Variants in ELAVL2 observed in about 807,000 individuals in gnomAD.
The protein encoded by ELAVL2 is ELAV-like protein 2.
Under a neutral mutation model 34.6 loss-of-function variants are expected in ELAVL2, and 4 were observed. The ratio of observed to expected loss-of-function variants is 0.12; its 90% CI spans 0.06 to 0.26. The LOEUF (loss-of-function observed/expected upper bound fraction) is 0.26. ELAVL2 is among the 10% of genes least tolerant of loss of function. The pLI is 1.00. For synonymous variants in ELAVL2, 193 were observed against 154.8 expected, an observed-to-expected ratio of 1.25 and a Z score of -1.83; for missense variants, 432 against 442.8, an observed-to-expected ratio of 0.98 and a Z score of 0.22.
rs557615245 is a variant in ELAVL2 at position 23,764,920 on chromosome 9, G to A, written c.-15-2671C>T. ...TGTAAGAATAATTAGTATGCCAAAT[G>A]AAAGATTCAAGTGTTTGGTATGGCC... On this transcript the variant is annotated intron_variant, in intron 1 of 6. Transcript: ENST00000397312. 4.9e-5 allele frequency: 62 copies of A among 1,272,896 alleles called. 1 individual carries two copies. The South Asian group carries it at 7.9e-4, about 16-fold the overall frequency. The allele number at this position is 1,272,896 out of a possible 1,614,324, so 78.9% of individuals were successfully genotyped here.
chr9:23,745,807 T>C (rs981348715), intron 2 of ELAVL2, among the ~76,000 whole-genome samples: 6 of 152,158 alleles, frequency 3.9e-5, no homozygotes, highest in African/African-American at 1.4e-4. Flanking sequence ...CCACAAGATA[T>C]ATGGCTCTCC....
upstream of ELAVL2, among the ~76,000 whole-genome samples, chr9:23,827,509 A>G (rs1218781767): frequency 6.6e-6 from 1 of 152,170 alleles, no homozygotes; most frequent in Non-Finnish European, 1.5e-5. Flanking sequence ...CCAACTTCCT[A>G]GACAGTTTTT....
intron 3 of ELAVL2, among the ~76,000 whole-genome samples, chr9:23,714,901 A>G (rs565736637): frequency 6.6e-6 from 1 of 152,306 alleles, no homozygotes; most frequent in Admixed American, 6.5e-5. Flanking sequence ...TACATTCGAG[A>G]GACTAAAAGA....
intron 3 of ELAVL2, among the ~76,000 whole-genome samples, chr9:23,726,412 A>T (rs891065179): frequency 5.3e-5 from 8 of 152,152 alleles, no homozygotes; most frequent in African/African-American, 1.9e-4. Context: ...TTTAATCAAG[A>T]CCAAAATCGG....
rs1200075861 is a variant in ELAVL2 at position 23,737,467 on chromosome 9, A to C, written c.230-6342T>G. 2.0e-5 allele frequency among the ~76,000 whole-genome samples: 3 copies of C among 152,236 alleles called. No homozygotes were observed. In the East Asian group the frequency reaches 5.8e-4, roughly 29 times the overall value. On this transcript the variant is annotated intron_variant, in intron 2 of 6. Coordinates refer to ENST00000397312, the MANE Select transcript of ELAVL2 (RefSeq NM_004432.5). ...CATTAAGATGAAGTCTCAATTTTAAAAAGTGTCATCTAGAGTAATTTGATA... is the reference window on the plus strand; with the variant it reads ...CATTAAGATGAAGTCTCAATTTTAACAAGTGTCATCTAGAGTAATTTGATA...
intron 4 of ELAVL2, among the ~76,000 whole-genome samples, chr9:23,702,966 A>AAAAAAAAAAAAAAAAACAAAC (rs2037888796): frequency 7.0e-6 from 1 of 143,014 alleles, no homozygotes; most frequent in African/African-American, 2.7e-5. Context: ...AAAAAAAAAA[A>AAAAAAAAAAAAAAAAACAAAC]AAAAAAAAAA....
At chr9:23,712,535 T>C (rs2041255933) in intron 3 of ELAVL2, among the ~76,000 whole-genome samples, 1 of 152,130 alleles carries the variant, frequency 6.6e-6, no homozygotes, top group African/African-American at 2.4e-5. Context: ...GAGAAAAAAA[T>C]CTAATTATTT....
At chr9:23,792,484 C>T (rs919618470) in intron 1 of ELAVL2, among the ~76,000 whole-genome samples, 3 of 152,174 alleles carry the variant, frequency 2.0e-5, no homozygotes, top group African/African-American at 7.2e-5. Context: ...GAGACCAGGG[C>T]AAGCCTTTAT....
chr9:23,783,345 C>G (rs925772260), intron 1 of ELAVL2: 22 of 536,668 alleles, frequency 4.1e-5, no homozygotes, highest in Non-Finnish European at 4.8e-5. Flanking sequence ...AGCTCACAGT[C>G]TGAAGCCACT....
the ELAVL2 span, among the ~76,000 whole-genome samples, chr9:23,835,655 A>C: frequency 6.6e-6 from 1 of 152,192 alleles, no homozygotes; most frequent in East Asian, 1.9e-4. Context: ...GAATATCAGA[A>C]GAACACTAAA....
At chr9:23,749,445 T>C (rs1378560994) in intron 2 of ELAVL2, among the ~76,000 whole-genome samples, 2 of 152,118 alleles carry the variant, frequency 1.3e-5, no homozygotes, top group Non-Finnish European at 2.9e-5. Flanking sequence ...GTGTTAGAAA[T>C]GGAGTCTTAC....
chr9:23,832,783 G>A, the ELAVL2 span, among the ~76,000 whole-genome samples: 1 of 152,152 alleles, frequency 6.6e-6, no homozygotes, highest in Admixed American at 6.5e-5. Flanking sequence ...ATCTCAGAAT[G>A]CATTTAACTG....
chr9:23,768,959 A>T lies in ELAVL2; in HGVS notation c.-15-6710T>A, dbSNP rs572327688. ...CATCTCTTAAAAGAATCATGGCTAGAGGCAAAGACAAGCTTATCTCTCAGG... is the reference window on the plus strand; with the variant it reads ...CATCTCTTAAAAGAATCATGGCTAGTGGCAAAGACAAGCTTATCTCTCAGG... On this transcript the variant is annotated intron_variant, in intron 1 of 6. Coordinates refer to ENST00000397312, the MANE Select transcript of ELAVL2 (RefSeq NM_004432.5). Among the ~76,000 whole-genome samples, 258 of 152,326 alleles carry T rather than the reference A, an allele frequency of 1.7e-3. 2 individuals carry two copies. The highest frequency in any genetic ancestry group is 0.01 in the Middle Eastern group (3 of 294).
chr9:23,803,571 A>G (rs1461854654), intron 1 of ELAVL2, among the ~76,000 whole-genome samples: 1 of 152,140 alleles, frequency 6.6e-6, no homozygotes, highest in Non-Finnish European at 1.5e-5. Flanking sequence ...TCCTCACACT[A>G]AGCCATCCTG....
At chr9:23,723,676 T>C (rs1025626724) in intron 3 of ELAVL2, among the ~76,000 whole-genome samples, 8 of 152,162 alleles carry the variant, frequency 5.3e-5, no homozygotes, top group African/African-American at 1.9e-4. Flanking sequence ...AACATGTGGT[T>C]CAACTATTTT....
intron 2 of ELAVL2, among the ~76,000 whole-genome samples, chr9:23,757,261 T>G (rs2053791311): frequency 6.6e-6 from 1 of 152,118 alleles, no homozygotes; most frequent in South Asian, 2.1e-4. Context: ...GATAACTCTG[T>G]AAAAATCACA....
intron 2 of ELAVL2, among the ~76,000 whole-genome samples, chr9:23,760,218 G>T (rs2054638513): frequency 6.6e-6 from 1 of 151,908 alleles, no homozygotes; most frequent in African/African-American, 2.4e-5. Context: ...GTCTCCTGTG[G>T]CAGATGCCTA....
At chr9:23,797,476 G>C (rs2061072211) in intron 1 of ELAVL2, among the ~76,000 whole-genome samples, 1 of 152,178 alleles carries the variant, frequency 6.6e-6, no homozygotes. Flanking sequence ...CCAAAGGCCA[G>C]CTATTGGGAA....
intron 3 of ELAVL2, among the ~76,000 whole-genome samples, chr9:23,710,874 T>C (rs1400589835): frequency 6.6e-6 from 1 of 152,102 alleles, no homozygotes; most frequent in Admixed American, 6.6e-5. Flanking sequence ...ACATCGGACC[T>C]TCCAAAATGA....
Sources: gnomAD v4.1 joint callset for allele counts (sites outside exome capture counted in the v4.1 genomes callset) on GRCh38, gnomAD v4.1.1 for gene constraint, MANE v1.5 for transcripts, NCBI Gene and HGNC (gene_info 2026-07-23, HGNC 2026-07-21) for gene names.